PPP2R5E: variants seen among roughly 807,000 people sequenced by gnomAD.
PPP2R5E encodes protein phosphatase 2 regulatory subunit B'epsilon, also known as serine/threonine-protein phosphatase 2A 56 kDa regulatory subunit epsilon isoform.
PPP2R5E carries 4 observed loss-of-function variants against 65.3 expected under a neutral mutation model. That is an observed-to-expected ratio of 0.06 (90% CI 0.03 to 0.14). The LOEUF (loss-of-function observed/expected upper bound fraction) is 0.14, where lower values mean the gene tolerates loss of function less well. PPP2R5E is among the 10% of genes least tolerant of loss of function. The pLI is 1.00. For missense variants in PPP2R5E, 274 were observed against 556.1 expected (o/e 0.49, Z 5.10); for synonymous variants, 183 against 187.4 (o/e 0.98, Z 0.19).
At chr14:63,448,248 G>A (rs1160115395) in intron 3 of PPP2R5E, among the ~76,000 whole-genome samples, 2 of 151,976 alleles carry the variant, frequency 1.3e-5, no homozygotes, top group African/African-American at 2.4e-5. Context: ...AATGAGCCGA[G>A]ACAGAGCCAC....
At chr14:63,412,069 A>C (rs1886420754) in intron 5 of PPP2R5E, among the ~76,000 whole-genome samples, 1 of 152,234 alleles carries the variant, frequency 6.6e-6, no homozygotes, top group Non-Finnish European at 1.5e-5. Flanking sequence ...AAGATGGAAG[A>C]CACAGTGAAT....
At chr14:63,501,633 T>C (rs907846142) in intron 2 of PPP2R5E, among the ~76,000 whole-genome samples, 5 of 152,132 alleles carry the variant, frequency 3.3e-5, no homozygotes, top group Admixed American at 2.0e-4. Context: ...TAAAAATAGA[T>C]TGTGGTGATG....
At chr14:63,412,701 G>A (rs376542649) in intron 5 of PPP2R5E, among the ~76,000 whole-genome samples, 2 of 152,324 alleles carry the variant, frequency 1.3e-5, no homozygotes, top group African/African-American at 4.8e-5. Context: ...GAAGAATCTG[G>A]ATTTCTATTT....
chr14:63,454,053 C>T (rs1318469637), intron 2 of PPP2R5E, among the ~76,000 whole-genome samples, 168 bp from the exon 3 acceptor site: 1 of 152,210 alleles, frequency 6.6e-6, no homozygotes, highest in Admixed American at 6.5e-5. Flanking sequence ...GTATCTACTA[C>T]TTCAGAGACC....
chr14:63,491,247 G>C (rs1378782262), intron 2 of PPP2R5E, among the ~76,000 whole-genome samples: 1 of 152,022 alleles, frequency 6.6e-6, no homozygotes, highest in Non-Finnish European at 1.5e-5. Flanking sequence ...CAGGTGGCAA[G>C]GGTTGAAAAA....
chr14:63,501,160 G>C (rs1042628254), intron 2 of PPP2R5E, among the ~76,000 whole-genome samples: 1 of 152,118 alleles, frequency 6.6e-6, no homozygotes, highest in African/African-American at 2.4e-5. Flanking sequence ...AGCACTTTGG[G>C]AGGCCGAGGC....
At chr14:63,430,263 C>T (rs1887564316) in intron 3 of PPP2R5E, among the ~76,000 whole-genome samples, 1 of 152,048 alleles carries the variant, frequency 6.6e-6, no homozygotes, top group South Asian at 2.1e-4. Flanking sequence ...CCTGTAATCC[C>T]AGCACTTTGG....
At chr14:63,491,893 T>C (rs1486064384) in intron 2 of PPP2R5E, among the ~76,000 whole-genome samples, 1 of 152,150 alleles carries the variant, frequency 6.6e-6, no homozygotes, top group East Asian at 1.9e-4. Context: ...TTCACTTTTT[T>C]AAAATCTGGC....
At chr14:63,506,361 G>A (rs1004153615) in intron 2 of PPP2R5E, among the ~76,000 whole-genome samples, 1 of 152,152 alleles carries the variant, frequency 6.6e-6, no homozygotes, top group African/African-American at 2.4e-5. Flanking sequence ...TGAGGCAGGA[G>A]AATGGCGTGA....
At chr14:63,516,387 G>A (rs1479589349) in intron 2 of PPP2R5E, among the ~76,000 whole-genome samples, 5 of 152,144 alleles carry the variant, frequency 3.3e-5, no homozygotes, top group Admixed American at 6.6e-5. Flanking sequence ...AATTGCATGC[G>A]TGCAACAAAT....
intron 5 of PPP2R5E, among the ~76,000 whole-genome samples, chr14:63,401,463 C>G (rs1451422267): frequency 1.3e-5 from 2 of 152,142 alleles, no homozygotes; most frequent in East Asian, 3.8e-4. Flanking sequence ...ACAGACCTGT[C>G]AACATACTAA....
chr14:63,464,037 T>C (rs566730482), intron 2 of PPP2R5E, among the ~76,000 whole-genome samples: 1 of 152,182 alleles, frequency 6.6e-6, no homozygotes, highest in South Asian at 2.1e-4. Flanking sequence ...ACCCGAAAAT[T>C]TTGTCATTTA....
intron 2 of PPP2R5E, among the ~76,000 whole-genome samples, chr14:63,487,215 T>A (rs1891041400): frequency 6.6e-6 from 1 of 152,206 alleles, no homozygotes; most frequent in Non-Finnish European, 1.5e-5. Flanking sequence ...TTTTAACACA[T>A]TGCCTCAATT....
rs560690504 is a variant in PPP2R5E, at chr14:63,527,736, C to T, written c.157+11793G>A. 1.6e-4 allele frequency among the ~76,000 whole-genome samples: 25 copies of T among 152,168 alleles called. No homozygotes were observed. In the South Asian group the frequency reaches 4.8e-3, roughly 29 times the overall value. On this transcript the variant is annotated intron_variant, in intron 2 of 13. Transcript: ENST00000337537. Reference sequence around the variant, plus strand: ...GAATCACACGGTCAGGAGTTCAAGACCAGCCTGGCCAACATGGCAAAACCC... The same window carrying T: ...GAATCACACGGTCAGGAGTTCAAGATCAGCCTGGCCAACATGGCAAAACCC...
At chr14:63,490,549 A>AACC (rs1891231733) in intron 2 of PPP2R5E, among the ~76,000 whole-genome samples, 4 of 152,082 alleles carry the variant, frequency 2.6e-5, no homozygotes, top group Admixed American at 2.6e-4. Flanking sequence ...CAAGAAAAAA[A>AACC]CAACCCCATT....
Position 63,375,875 on chromosome 14 carries a change from T to C in PPP2R5E, c.*134A>G. Reference sequence around the variant, plus strand: ...TTTCCTTTACTTAGAGACAGGTATATACAGTGCTGCTGTAATAATGAAACA... The same window carrying C: ...TTTCCTTTACTTAGAGACAGGTATACACAGTGCTGCTGTAATAATGAAACA... On this transcript the variant is annotated 3_prime_UTR_variant, in exon 14 of 14. Coordinates refer to ENST00000337537, the MANE Select transcript of PPP2R5E (RefSeq NM_006246.5). The C allele has an allele frequency of 1.5e-6, 1 of 652,790 alleles. No individual in the cohort carries two copies. Among genetic ancestry groups the C allele is most frequent in the Non-Finnish European group, 2.6e-6 (1 of 378,692 alleles). 40.4% of individuals were successfully genotyped at this position (652,790 alleles called of 1,614,324 possible).
chr14:63,520,883 A>AAAC (rs1892878594), intron 2 of PPP2R5E, among the ~76,000 whole-genome samples: 2 of 140,756 alleles, frequency 1.4e-5, no homozygotes, highest in East Asian at 3.9e-4. Context: ...AAAAAAAAAA[A>AAAC]AAACAATTAG....
chr14:63,418,236 AC>A (rs1168919361), intron 4 of PPP2R5E, among the ~76,000 whole-genome samples: 1 of 152,080 alleles, frequency 6.6e-6, no homozygotes, highest in Non-Finnish European at 1.5e-5. Context: ...TATTCAAATG[AC>A]CCCATCAAGT....
At chr14:63,404,539 G>A (rs970091588) in intron 5 of PPP2R5E, among the ~76,000 whole-genome samples, 4 of 152,190 alleles carry the variant, frequency 2.6e-5, no homozygotes, top group Admixed American at 1.3e-4. Context: ...CTCAAGGGAT[G>A]CACTGTATAA....
Sources: gnomAD v4.1 joint callset for allele counts (sites outside exome capture counted in the v4.1 genomes callset) on GRCh38, gnomAD v4.1.1 for gene constraint, MANE v1.5 for transcripts, NCBI Gene and HGNC (gene_info 2026-07-23, HGNC 2026-07-21) for gene names.